The following SLC4A10 variants were observed in gnomAD, a reference collection of about 807,000 sequenced individuals.
SLC4A10 encodes sodium-driven chloride bicarbonate exchanger.
SLC4A10 carries 42 observed loss-of-function variants against 137.7 expected under a neutral mutation model. The observed-to-expected ratio is 0.30, with a 90% CI of 0.24 to 0.39. SLC4A10 has a LOEUF of 0.39. Ranked by LOEUF, SLC4A10 falls within the 10% of genes least tolerant of loss-of-function variation. SLC4A10 has a pLI of 1.00. For missense variants in SLC4A10, 925 were observed against 1,355.0 expected (o/e 0.68, Z 4.98); for synonymous variants, 474 against 464.1 (o/e 1.02, Z -0.27).
intron 7 of SLC4A10, 75 bp downstream of exon 7, chr2:161,872,459 T>C: frequency 8.8e-7 from 1 of 1,130,484 alleles, no homozygotes; most frequent in Non-Finnish European, 1.3e-6. Context: ...TAAGAGGTGT[T>C]GACACAATAT....
At chr2:161,962,588 G>A (rs1355451808) in intron 21 of SLC4A10, among the ~76,000 whole-genome samples, 3 of 152,132 alleles carry the variant, frequency 2.0e-5, no homozygotes, top group African/African-American at 4.8e-5. Context: ...AGAATGGAGA[G>A]ACATTATTCA....
chr2:161,727,488 G>T (rs532933506), intron 1 of SLC4A10, among the ~76,000 whole-genome samples: 3 of 152,242 alleles, frequency 2.0e-5, no homozygotes, highest in East Asian at 3.9e-4. Flanking sequence ...TTAGGAAAAA[G>T]AAATATTTTG....
intron 8 of SLC4A10, among the ~76,000 whole-genome samples, chr2:161,876,350 A>C (rs2061447225): frequency 6.6e-6 from 1 of 152,172 alleles, no homozygotes. Context: ...GGTCACATTC[A>C]GGTCTTTAAA....
chr2:161,726,824 A>T (rs1207156900), intron 1 of SLC4A10, among the ~76,000 whole-genome samples: 1 of 152,188 alleles, frequency 6.6e-6, no homozygotes, highest in African/African-American at 2.4e-5. Flanking sequence ...CAGGAGAATC[A>T]ATTGAACCTA....
intron 1 of SLC4A10, among the ~76,000 whole-genome samples, chr2:161,697,209 T>C (rs993534837): frequency 1.3e-5 from 2 of 152,214 alleles, no homozygotes; most frequent in African/African-American, 2.4e-5. Context: ...GATATTAGCC[T>C]TTTGTCAGAT....
intron 10 of SLC4A10, among the ~76,000 whole-genome samples, chr2:161,885,385 C>T (rs2062179377): frequency 6.6e-6 from 1 of 152,116 alleles, no homozygotes; most frequent in African/African-American, 2.4e-5. Flanking sequence ...CTGATTCTTC[C>T]AAGTGCTCAA....
chr2:161,881,545 A>G (rs573570156), intron 9 of SLC4A10, among the ~76,000 whole-genome samples: 1 of 152,208 alleles, frequency 6.6e-6, no homozygotes, highest in African/African-American at 2.4e-5. Context: ...TTGTGAAGTC[A>G]TTAGTCTTCA....
intron 1 of SLC4A10, among the ~76,000 whole-genome samples, chr2:161,753,762 A>G (rs1468551996): frequency 6.6e-6 from 1 of 152,120 alleles, no homozygotes; most frequent in African/African-American, 2.4e-5. Flanking sequence ...AGAGATTCTT[A>G]CATAAAACTC....
Position 161,904,195 on chromosome 2 carries a change from T to C in SLC4A10, c.1617+17T>C, listed in dbSNP as rs1370525558. On this transcript the variant is annotated intron_variant, in intron 13 of 26. Coordinates refer to ENST00000446997, the MANE Select transcript of SLC4A10 (RefSeq NM_001178015.2). ...GGGCGTATAGTATGTATTATGCTTT[T>C]CTCTGAACTTTGAAACATAATCCAT... 14 of 1,574,092 alleles carry C rather than the reference T, an allele frequency of 8.9e-6. No individual in the cohort carries two copies. Among genetic ancestry groups the C allele is most frequent in the Admixed American group, 1.9e-5 (1 of 53,608 alleles).
At chr2:161,812,665 A>C (rs2056666935) in intron 3 of SLC4A10, among the ~76,000 whole-genome samples, 1 of 152,146 alleles carries the variant, frequency 6.6e-6, no homozygotes, top group Admixed American at 6.6e-5. Context: ...AATGGCCTCC[A>C]GCTGCATTCA....
chr2:161,767,196 G>T (rs2050972603), intron 1 of SLC4A10, among the ~76,000 whole-genome samples: 1 of 109,326 alleles, frequency 9.1e-6, no homozygotes, highest in Non-Finnish European at 1.9e-5. Flanking sequence ...GTGTGTGTGT[G>T]TGTGTGTATA....
intron 2 of SLC4A10, among the ~76,000 whole-genome samples, chr2:161,794,637 A>C (rs2054560463): frequency 6.6e-6 from 1 of 152,172 alleles, no homozygotes; most frequent in Non-Finnish European, 1.5e-5. Flanking sequence ...GAACATTGTC[A>C]GCAACTAGAA....
intron 1 of SLC4A10, among the ~76,000 whole-genome samples, chr2:161,638,593 C>T (rs1051236412): frequency 1.3e-5 from 2 of 151,876 alleles, no homozygotes; most frequent in East Asian, 1.9e-4. Context: ...GCTCAGATAT[C>T]TTTGTCTATT....
At position 161,928,649 on chromosome 2, in the gene SLC4A10, CAAA is replaced by C. The variant is rs34327479; in HGVS notation, c.1998-14126_1998-14124del. 2.5e-4 allele frequency among the ~76,000 whole-genome samples: 25 copies of C among 99,280 alleles called. No individual in the cohort carries two copies. In the South Asian group the frequency reaches 7.1e-3, roughly 28 times the overall value. The allele number at this position is 99,280 out of a possible 152,430, so 65.1% of individuals were successfully genotyped here. ...ATAAAATCATAACAATCCTTGAAAG[CAAA>C]AAAAAAAAAAAAAAAAGTAGGAGTT... On this transcript the variant is annotated intron_variant, in intron 15 of 26. Coordinates refer to ENST00000446997, the MANE Select transcript of SLC4A10 (RefSeq NM_001178015.2).
intron 12 of SLC4A10, 151 bp from the exon 13 acceptor site, chr2:161,903,853 A>G: frequency 1.4e-6 from 1 of 732,006 alleles, no homozygotes; most frequent in Non-Finnish European, 2.2e-6. Flanking sequence ...CTCCCTGTAG[A>G]TTGTTATAAG....
chr2:161,858,520 T>C (rs2060226795), intron 5 of SLC4A10, among the ~76,000 whole-genome samples: 1 of 152,176 alleles, frequency 6.6e-6, no homozygotes, highest in Non-Finnish European at 1.5e-5. Context: ...TCCTTCAAAA[T>C]ATTACTTAAC....
intron 2 of SLC4A10, among the ~76,000 whole-genome samples, chr2:161,790,627 A>T (rs984049627): frequency 8.5e-5 from 13 of 152,152 alleles, no homozygotes; most frequent in African/African-American, 3.1e-4. Context: ...AATACTGAAC[A>T]TTTTATTTCA....
At chr2:161,927,007 C>G (rs1689273992) in intron 15 of SLC4A10, among the ~76,000 whole-genome samples, 1 of 152,058 alleles carries the variant, frequency 6.6e-6, no homozygotes, top group South Asian at 2.1e-4. Context: ...TCCTTCATTT[C>G]AACTTTGGTG....
intron 1 of SLC4A10, among the ~76,000 whole-genome samples, chr2:161,759,921 G>C (rs2050073374): frequency 6.6e-6 from 1 of 151,834 alleles, no homozygotes; most frequent in South Asian, 2.1e-4. Context: ...TTTTCCTAGA[G>C]TAACAAAAAA....
Sources: allele counts gnomAD v4.1 joint callset (sites outside exome capture counted in the v4.1 genomes callset), GRCh38; gene constraint gnomAD v4.1.1; transcripts MANE v1.5; gene names NCBI Gene and HGNC (gene_info 2026-07-23, HGNC 2026-07-21).